The following HM13 variants were observed in gnomAD, a reference collection of about 807,000 sequenced individuals.
HM13 encodes histocompatibility minor 13, also known as signal peptide peptidase.
Under a neutral mutation model 50.0 loss-of-function variants are expected in HM13, and 18 were observed. The observed-to-expected ratio is 0.36, with a 90% CI of 0.25 to 0.53. HM13 has a LOEUF of 0.53. HM13 is among the 20% of genes least tolerant of loss of function. HM13 has a pLI of 0.90. For synonymous variants in HM13, 197 were observed against 232.6 expected (o/e 0.85, Z 1.39); for missense variants, 393 against 552.4 (o/e 0.71, Z 2.89).
chr20:31,527,450 C>T lies in HM13; in HGVS notation c.184-34C>T, dbSNP rs370338283. ...CTTGCAGGAACATATGGGAACCAGCCGTGCTGAGCCATTGTCATTCTTCTC... is the reference window on the plus strand; with the variant it reads ...CTTGCAGGAACATATGGGAACCAGCTGTGCTGAGCCATTGTCATTCTTCTC... On this transcript the variant is annotated intron_variant, in intron 1 of 12. Transcript: ENST00000398174. The T allele has an allele frequency of 9.2e-4, 1,347 of 1,463,868 alleles. 5 individuals are homozygous for T. In the Middle Eastern group the frequency reaches 0.016, roughly 18 times the overall value. 90.7% of individuals were successfully genotyped at this position (1,463,868 alleles called of 1,614,324 possible).
chr20:31,515,794 C>G (rs1208278686), intron 1 of HM13, among the ~76,000 whole-genome samples: 1 of 152,196 alleles, frequency 6.6e-6, no homozygotes, highest in Non-Finnish European at 1.5e-5. Flanking sequence ...TTTTCACTTC[C>G]TGGCACCCTC....
In HM13 at chr20:31,516,776, A is replaced by G. The variant is rs557589961; in HGVS notation, c.183+2042A>G. On this transcript the variant is annotated intron_variant, in intron 1 of 12. Coordinates refer to ENST00000398174, the MANE Select transcript of HM13 (RefSeq NM_178581.3). Reference sequence around the variant, plus strand: ...AGGGCAGCAGGGTGTGGAGGACTGTATGAATTTACAAACAGGACCTGACCA... The same window carrying G: ...AGGGCAGCAGGGTGTGGAGGACTGTGTGAATTTACAAACAGGACCTGACCA... Among the ~76,000 whole-genome samples, 3 of 152,296 alleles carry G rather than the reference A, an allele frequency of 2.0e-5. No homozygotes were observed. In the East Asian group the frequency reaches 5.8e-4, roughly 29 times the overall value.
At chr20:31,560,782 C>T (rs530053044) in intron 9 of HM13, among the ~76,000 whole-genome samples, 1 of 152,384 alleles carries the variant, frequency 6.6e-6, no homozygotes, top group Admixed American at 6.5e-5. Flanking sequence ...AAGGGAGTCA[C>T]TTGTATCCCA....
At chr20:31,557,310 A>G (rs548917995) in intron 8 of HM13, among the ~76,000 whole-genome samples, 1 of 152,236 alleles carries the variant, frequency 6.6e-6, no homozygotes, top group Admixed American at 6.5e-5. Flanking sequence ...ATTCACCCAC[A>G]CAAACTTCCC....
At chr20:31,559,785 T>C (rs1984510754) in intron 9 of HM13, 138 bp downstream of exon 9, 5 of 832,826 alleles carry the variant, frequency 6.0e-6, no homozygotes, top group Non-Finnish European at 1.0e-5. Context: ...TTTATCTGCA[T>C]TTTGCATCTT....
At chr20:31,550,302 G>A in intron 7 of HM13, 181 bp downstream of exon 7, 1 of 599,708 alleles carries the variant, frequency 1.7e-6, no homozygotes, top group Non-Finnish European at 3.0e-6. Flanking sequence ...TCCTGCCCAG[G>A]TCCCGGCCCC....
At chr20:31,537,725 T>C (rs1194347301) in intron 2 of HM13, among the ~76,000 whole-genome samples, 1 of 151,960 alleles carries the variant, frequency 6.6e-6, no homozygotes, top group African/African-American at 2.4e-5. Context: ...GAGAATGGAG[T>C]GGGACAGATG....
At chr20:31,516,515 T>A (rs1981791725) in intron 1 of HM13, among the ~76,000 whole-genome samples, 1 of 152,186 alleles carries the variant, frequency 6.6e-6, no homozygotes, top group African/African-American at 2.4e-5. Flanking sequence ...TGAGCACATC[T>A]GGGACAATGC....
intron 1 of HM13, among the ~76,000 whole-genome samples, chr20:31,520,300 T>C (rs1306553569): frequency 1.3e-5 from 2 of 152,134 alleles, no homozygotes; most frequent in African/African-American, 2.4e-5. Context: ...TTTGTTGTTG[T>C]TTTTGTTTGT....
chr20:31,529,568 C>T (rs1167711252), intron 2 of HM13, among the ~76,000 whole-genome samples: 1 of 152,046 alleles, frequency 6.6e-6, no homozygotes, highest in Non-Finnish European at 1.5e-5. Flanking sequence ...TTTAATAGTA[C>T]GTCAGCTTTT....
intron 7 of HM13, among the ~76,000 whole-genome samples, chr20:31,551,006 G>A (rs1224262034): frequency 1.3e-5 from 2 of 152,128 alleles, no homozygotes; most frequent in African/African-American, 4.8e-5. Context: ...AAATATATAT[G>A]TGTGTGTACA....
At chr20:31,552,447 G>A (rs983449829) in intron 7 of HM13, among the ~76,000 whole-genome samples, 12 of 152,180 alleles carry the variant, frequency 7.9e-5, no homozygotes, top group African/African-American at 2.2e-4. Flanking sequence ...ACACTGCCCC[G>A]TAGGCCACTG....
chr20:31,537,893 G>A (rs1396758715), intron 2 of HM13, among the ~76,000 whole-genome samples: 1 of 152,214 alleles, frequency 6.6e-6, no homozygotes, highest in South Asian at 2.1e-4. Flanking sequence ...CAGAACCCCT[G>A]TGCAGCACTT....
intron 1 of HM13, among the ~76,000 whole-genome samples, chr20:31,519,115 T>A (rs1352010177): frequency 2.0e-5 from 3 of 152,178 alleles, no homozygotes; most frequent in Admixed American, 6.5e-5. Context: ...TGTTGTTGTT[T>A]TAATGAGACC....
chr20:31,548,188 C>A (rs2122620938), intron 4 of HM13: 1 of 686,916 alleles, frequency 1.5e-6, no homozygotes, highest in East Asian at 2.5e-5. Context: ...TTATAGAAAA[C>A]AAATCAGGGT....
intron 8 of HM13, 86 bp from the exon 9 acceptor site, chr20:31,559,525 C>G: frequency 7.7e-7 from 1 of 1,302,090 alleles, no homozygotes; most frequent in Non-Finnish European, 1.1e-6. Flanking sequence ...GATGGAACAC[C>G]AGGTTGGGGA....
chr20:31,539,595 A>G (rs1211556967), intron 3 of HM13: 12 of 700,956 alleles, frequency 1.7e-5, no homozygotes, highest in Non-Finnish European at 2.1e-5. Flanking sequence ...GGAGATTGAG[A>G]CCATCCTGGC....
chr20:31,547,769 C>G, intron 4 of HM13: 6 of 962,322 alleles, frequency 6.2e-6, no homozygotes, highest in Non-Finnish European at 6.7e-6. Flanking sequence ...CACAAATACC[C>G]TTTTATCCTG....
intron 4 of HM13, chr20:31,548,275 G>C (rs948430516): frequency 8.6e-6 from 4 of 465,822 alleles, no homozygotes; most frequent in Non-Finnish European, 1.6e-5. Context: ...TGTGAAAGGA[G>C]TGTCTGGACT....
Sources: allele counts gnomAD v4.1 joint callset (sites outside exome capture counted in the v4.1 genomes callset), GRCh38; gene constraint gnomAD v4.1.1; transcripts MANE v1.5; gene names NCBI Gene and HGNC (gene_info 2026-07-23, HGNC 2026-07-21).